The following TRMT11 variants were observed in gnomAD, a reference collection of about 807,000 sequenced individuals.
TRMT11 encodes the protein tRNA (guanine(10)-N(2))-methyltransferase TRMT11.
Under a neutral mutation model 62.8 loss-of-function variants are expected in TRMT11, and 53 were observed. The ratio of observed to expected loss-of-function variants is 0.84; its 90% CI spans 0.68 to 1.06. The LOEUF (loss-of-function observed/expected upper bound fraction) is 1.06. Ranked by LOEUF, TRMT11 falls within the 50% of genes least tolerant of loss-of-function variation. The pLI is 0.00. For synonymous variants in TRMT11, 188 were observed against 190.3 expected (o/e 0.99, Z 0.10); for missense variants, 556 against 553.4 (o/e 1.00, Z -0.05).
At chr6:126,258,145 A>T in the TRMT11 span, 5 of 783,042 alleles carry the variant, frequency 6.4e-6, no homozygotes, top group Admixed American at 5.3e-5. Context: ...TCCATGATCC[A>T]CTCCTCCAGG....
chr6:126,108,764 C>G (rs1342418302), intron 17 of TRMT11, among the ~76,000 whole-genome samples: 1 of 152,198 alleles, frequency 6.6e-6, no homozygotes, highest in Non-Finnish European at 1.5e-5. Context: ...GCATGACATT[C>G]TACCAGCAAT....
chr6:126,130,583 T>C (rs1562329608), intron 21 of TRMT11, among the ~76,000 whole-genome samples: 1 of 152,084 alleles, frequency 6.6e-6, no homozygotes, highest in Non-Finnish European at 1.5e-5. Flanking sequence ...TTTACTGTTT[T>C]TTTTTGTTAG....
chr6:126,092,588 C>G (rs992612357), intron 17 of TRMT11, among the ~76,000 whole-genome samples: 1 of 151,940 alleles, frequency 6.6e-6, no homozygotes, highest in Non-Finnish European at 1.5e-5. Context: ...ACAGCCAAAC[C>G]GTATCATCTG....
intron 17 of TRMT11, among the ~76,000 whole-genome samples, chr6:126,071,179 A>G (rs143558927): frequency 6.6e-6 from 1 of 152,220 alleles, no homozygotes; most frequent in Non-Finnish European, 1.5e-5. Context: ...CTCTCAGTGA[A>G]AACTGGTTAT....
chr6:126,214,918 T>G, the TRMT11 span, among the ~76,000 whole-genome samples: 1 of 151,982 alleles, frequency 6.6e-6, no homozygotes, highest in Non-Finnish European at 1.5e-5. Context: ...TAGGTTTTGG[T>G]ATGTTTGGTT....
At chr6:126,046,900 A>G (rs1180199682) in intron 16 of TRMT11, among the ~76,000 whole-genome samples, 1 of 152,204 alleles carries the variant, frequency 6.6e-6, no homozygotes, top group East Asian at 1.9e-4. Flanking sequence ...CCCAACCAGA[A>G]AGAGCCCCAT....
At chr6:126,077,282 A>G (rs1015447960) in intron 17 of TRMT11, among the ~76,000 whole-genome samples, 1 of 152,170 alleles carries the variant, frequency 6.6e-6, no homozygotes, top group African/African-American at 2.4e-5. Flanking sequence ...GCTGGGGCCA[A>G]TTTTTACATG....
At chr6:126,230,781 TATAA>T in the TRMT11 span, among the ~76,000 whole-genome samples, 1 of 152,090 alleles carries the variant, frequency 6.6e-6, no homozygotes, top group African/African-American at 2.4e-5. Flanking sequence ...AGTAAAATGT[TATAA>T]ATGTTTCTGA....
At chr6:125,998,388 C>G (rs1374409107) in intron 5 of TRMT11, 73 bp downstream of exon 5, 12 of 1,265,092 alleles carry the variant, frequency 9.5e-6, no homozygotes, top group Non-Finnish European at 1.1e-5. Flanking sequence ...ATAGGAATAC[C>G]TAATGTCTGT....
intron 1 of TRMT11, among the ~76,000 whole-genome samples, chr6:126,181,043 G>T (rs1490390781): frequency 6.6e-6 from 1 of 152,022 alleles, no homozygotes; most frequent in Non-Finnish European, 1.5e-5. Context: ...TCCATAAATA[G>T]GACACACATT....
At chr6:126,078,533 A>G (rs566252803) in intron 17 of TRMT11, among the ~76,000 whole-genome samples, 3 of 152,280 alleles carry the variant, frequency 2.0e-5, no homozygotes, top group African/African-American at 7.2e-5. Context: ...CAATAAATCA[A>G]GCAACGCCTC....
chr6:126,069,605 G>A (rs907013464), intron 17 of TRMT11, among the ~76,000 whole-genome samples: 17 of 152,304 alleles, frequency 1.1e-4, no homozygotes, highest in Middle Eastern at 3.4e-3. Flanking sequence ...ATCAAGCTGC[G>A]AAGCTGCGTG....
the TRMT11 span, among the ~76,000 whole-genome samples, chr6:126,235,856 TA>T: frequency 1.3e-5 from 2 of 152,018 alleles, no homozygotes; most frequent in African/African-American, 4.8e-5. Context: ...CCCCTGAACT[TA>T]AAAAAAAGTT....
intron 12 of TRMT11, among the ~76,000 whole-genome samples, chr6:126,035,243 T>C (rs9375421): frequency 0.58 from 87,940 of 151,932 alleles, 27,100 homozygotes; most frequent in East Asian, 0.95. Flanking sequence ...TCGTGAGAAA[T>C]ATTTTATGAA....
intron 17 of TRMT11, among the ~76,000 whole-genome samples, chr6:126,093,986 C>T (rs1265349195): frequency 1.3e-5 from 2 of 152,008 alleles, no homozygotes; most frequent in Non-Finnish European, 2.9e-5. Flanking sequence ...GAACTGAATG[C>T]TTCATGGAAC....
intron 21 of TRMT11, among the ~76,000 whole-genome samples, chr6:126,164,800 C>G (rs1778238441): frequency 6.6e-6 from 1 of 152,098 alleles, no homozygotes; most frequent in South Asian, 2.1e-4. Flanking sequence ...AGGATTGCAA[C>G]CCCTGCTTTT....
intron 1 of TRMT11, among the ~76,000 whole-genome samples, chr6:126,190,143 A>C (rs1426487827): frequency 6.6e-6 from 1 of 152,050 alleles, no homozygotes; most frequent in East Asian, 1.9e-4. Context: ...CAAATACTAG[A>C]ATTTGTTTTT....
At chr6:126,095,204 A>C (rs937813925) in intron 17 of TRMT11, among the ~76,000 whole-genome samples, 3 of 152,236 alleles carry the variant, frequency 2.0e-5, no homozygotes, top group African/African-American at 4.8e-5. Context: ...ATCAACACAC[A>C]ATGGATAAGA....
intron 16 of TRMT11, among the ~76,000 whole-genome samples, chr6:126,051,696 A>G (rs1285194003): frequency 2.6e-5 from 4 of 151,968 alleles, no homozygotes; most frequent in African/African-American, 9.7e-5. Context: ...GGAGTCAGGG[A>G]TGATATCTGA....
Sources: gnomAD v4.1 joint callset for allele counts (sites outside exome capture counted in the v4.1 genomes callset) on GRCh38, gnomAD v4.1.1 for gene constraint, MANE v1.5 for transcripts, NCBI Gene and HGNC (gene_info 2026-07-23, HGNC 2026-07-21) for gene names.